AGBL4: variants seen among roughly 807,000 people sequenced by gnomAD.
AGBL4 encodes AGBL carboxypeptidase 4.
A neutral mutation model predicts 66.4 loss-of-function variants in AGBL4; 58 were observed. The ratio of observed to expected loss-of-function variants is 0.87; its 90% CI spans 0.71 to 1.09. The LOEUF (loss-of-function observed/expected upper bound fraction) is 1.09, where lower values mean the gene tolerates loss of function less well. Among genes scored for constraint, AGBL4 ranks in the 50% least tolerant of loss-of-function variants. The pLI is 0.00. For missense variants in AGBL4, 579 were observed against 631.0 expected (o/e 0.92, Z 0.88); for synonymous variants, 234 against 222.9 (o/e 1.05, Z -0.44).
intron 6 of AGBL4, chr1:48,776,466 A>T (rs1044888800): frequency 7.8e-6 from 5 of 640,186 alleles, no homozygotes; most frequent in Non-Finnish European, 1.2e-5. Context: ...TTCCCAAATG[A>T]AATGCCCAGA....
At chr1:48,840,295 C>T (rs748095388) in intron 6 of AGBL4, among the ~76,000 whole-genome samples, 3 of 152,008 alleles carry the variant, frequency 2.0e-5, no homozygotes, top group Non-Finnish European at 2.9e-5. Context: ...TCTGTGTGCC[C>T]GGTGCCTGAC....
At chr1:49,229,322 T>C (rs1650135224) in intron 4 of AGBL4, among the ~76,000 whole-genome samples, 1 of 152,208 alleles carries the variant, frequency 6.6e-6, no homozygotes, top group African/African-American at 2.4e-5. Flanking sequence ...TTGCCTTTGG[T>C]AGCACTTTAC....
intron 9 of AGBL4, among the ~76,000 whole-genome samples, 165 bp from the exon 10 acceptor site, chr1:48,591,150 C>T (rs1018940224): frequency 7.3e-6 from 1 of 137,918 alleles, no homozygotes; most frequent in African/African-American, 2.7e-5. Context: ...ATTTAGCAGC[C>T]ATTTGCAATG....
At chr1:49,780,333 G>A (rs1644306048) in intron 2 of AGBL4, among the ~76,000 whole-genome samples, 2 of 152,010 alleles carry the variant, frequency 1.3e-5, no homozygotes, top group Non-Finnish European at 2.9e-5. Flanking sequence ...GATAATAAGA[G>A]CCCAAAAGAG....
chr1:48,580,994 T>C (rs1284866189), intron 11 of AGBL4, among the ~76,000 whole-genome samples: 1 of 152,114 alleles, frequency 6.6e-6, no homozygotes, highest in East Asian at 1.9e-4. Context: ...TCCGACCCCC[T>C]CCTGCACCAC....
chr1:48,703,513 A>G (rs1646834691), intron 6 of AGBL4, among the ~76,000 whole-genome samples: 2 of 152,200 alleles, frequency 1.3e-5, no homozygotes, highest in South Asian at 4.1e-4. Flanking sequence ...GTATAAAATA[A>G]AAAAGAAAAG....
intron 9 of AGBL4, among the ~76,000 whole-genome samples, chr1:48,611,848 A>G (rs1645244152): frequency 6.6e-6 from 1 of 152,256 alleles, no homozygotes; most frequent in African/African-American, 2.4e-5. Context: ...TTTTAAGAAA[A>G]TAAGATTTTT....
chr1:49,386,242 A>C (rs968331318), intron 3 of AGBL4, among the ~76,000 whole-genome samples: 9 of 149,728 alleles, frequency 6.0e-5, no homozygotes, highest in African/African-American at 2.2e-4. Flanking sequence ...ATGAATACAT[A>C]TATTTTTTGG....
intron 6 of AGBL4, among the ~76,000 whole-genome samples, chr1:48,812,488 C>G (rs1318593048): frequency 6.6e-6 from 1 of 152,182 alleles, no homozygotes; most frequent in Non-Finnish European, 1.5e-5. Flanking sequence ...TCATCAAACA[C>G]TCTCTAGAGT....
At chr1:49,382,722 G>T (rs1644648085) in intron 3 of AGBL4, among the ~76,000 whole-genome samples, 1 of 152,116 alleles carries the variant, frequency 6.6e-6, no homozygotes, top group African/African-American at 2.4e-5. Context: ...AAAAAGAAAA[G>T]TATCTCTGTT....
chr1:48,832,782 G>A (rs1023495266), intron 6 of AGBL4, among the ~76,000 whole-genome samples: 2 of 152,156 alleles, frequency 1.3e-5, no homozygotes, highest in African/African-American at 4.8e-5. Context: ...AGCCTGGATA[G>A]AATAAAAAGG....
At chr1:49,241,222 C>T (rs1474442973) in intron 4 of AGBL4, among the ~76,000 whole-genome samples, 15 of 152,012 alleles carry the variant, frequency 9.9e-5, no homozygotes, top group South Asian at 6.2e-4. Flanking sequence ...TCATGTCCTG[C>T]CCCCATTTAA....
At chr1:49,281,300 G>C (rs924177586) in intron 3 of AGBL4, among the ~76,000 whole-genome samples, 3 of 152,186 alleles carry the variant, frequency 2.0e-5, no homozygotes, top group Non-Finnish European at 2.9e-5. Context: ...TTTCTGGCAA[G>C]AGTAGAACAG....
chr1:49,045,899 T>A, intron 4 of AGBL4, 99 bp from the exon 5 acceptor site: 1 of 987,224 alleles, frequency 1.0e-6, no homozygotes, highest in Non-Finnish European at 1.5e-6. Context: ...AACTGTAACA[T>A]CAAGAACCAT....
chr1:49,603,659 T>C (rs1210296146), intron 3 of AGBL4, among the ~76,000 whole-genome samples: 1 of 152,142 alleles, frequency 6.6e-6, no homozygotes, highest in African/African-American at 2.4e-5. Flanking sequence ...TTACATGTCA[T>C]TACATTACAA....
chr1:48,926,427 G>A (rs1654577812), intron 5 of AGBL4, among the ~76,000 whole-genome samples: 2 of 151,446 alleles, frequency 1.3e-5, no homozygotes, highest in Non-Finnish European at 2.9e-5. Flanking sequence ...TTACAGGCGT[G>A]GAACACCAGG....
intron 3 of AGBL4, among the ~76,000 whole-genome samples, chr1:49,695,764 C>T (rs1646970956): frequency 6.6e-6 from 1 of 152,106 alleles, no homozygotes; most frequent in Admixed American, 6.6e-5. Context: ...AGATTTGATT[C>T]CTTCCTGTTG....
intron 3 of AGBL4, among the ~76,000 whole-genome samples, chr1:49,329,407 C>T (rs771327100): frequency 2.7e-5 from 4 of 150,670 alleles, no homozygotes; most frequent in Non-Finnish European, 5.9e-5. Context: ...GGTTCATGCC[C>T]GTAATCCCAG....
intron 5 of AGBL4, among the ~76,000 whole-genome samples, chr1:48,981,888 C>T (rs935217911): frequency 3.9e-5 from 6 of 152,064 alleles, no homozygotes; most frequent in East Asian, 3.9e-4. Flanking sequence ...AGCGAAACTC[C>T]GTCTCAAAGA....
Sources: gnomAD v4.1 joint callset for allele counts (sites outside exome capture counted in the v4.1 genomes callset) on GRCh38, gnomAD v4.1.1 for gene constraint, MANE v1.5 for transcripts, NCBI Gene and HGNC (gene_info 2026-07-23, HGNC 2026-07-21) for gene names.